Variants in ATP13A4 observed in about 807,000 individuals in gnomAD.
The protein encoded by ATP13A4 is ATPase 13A4, also known as probable cation-transporting ATPase 13A4.
Under a neutral mutation model 142.5 loss-of-function variants are expected in ATP13A4, and 114 were observed. That is an observed-to-expected ratio of 0.80 (90% CI 0.69 to 0.93). ATP13A4 has a LOEUF of 0.93. Ranked by LOEUF, ATP13A4 falls within the 40% of genes least tolerant of loss-of-function variation. The pLI is 0.00. For missense variants in ATP13A4, 1,392 were observed against 1,454.0 expected (o/e 0.96, Z 0.69); for synonymous variants, 488 against 514.8 (o/e 0.95, Z 0.70).
intron 25 of ATP13A4, among the ~76,000 whole-genome samples, chr3:193,427,631 T>C (rs923202759): frequency 3.3e-5 from 5 of 152,080 alleles, no homozygotes; most frequent in Admixed American, 1.3e-4. Context: ...TCAGAAAGAA[T>C]ACCACACATC....
At chr3:193,459,036 G>A in intron 14 of ATP13A4, 45 bp downstream of exon 14, 1 of 1,609,486 alleles carries the variant, frequency 6.2e-7, no homozygotes, top group Non-Finnish European at 8.5e-7. Flanking sequence ...ATGTTGCTCT[G>A]GCATTGAAGA....
In ATP13A4 at chr3:193,489,634, G is replaced by A. The variant is rs867918117; in HGVS notation, c.738+96C>T. The A allele has an allele frequency of 1.4e-5, 18 of 1,333,120 alleles. No individual in the cohort carries two copies. In the South Asian group the frequency reaches 2.0e-4, roughly 15 times the overall value. 82.6% of individuals were successfully genotyped at this position (1,333,120 alleles called of 1,614,324 possible). On this transcript the variant is annotated intron_variant, in intron 7 of 29. Coordinates refer to ENST00000342695, the MANE Select transcript of ATP13A4 (RefSeq NM_032279.4). ...ACTTGCTCTCATTTACTACGGAGTA[G>A]GAAGTGACTATTTCCTGATTCTCCT...
chr3:193,586,844 G>T (rs1724681207), intron 1 of ATP13A4, among the ~76,000 whole-genome samples: 1 of 152,124 alleles, frequency 6.6e-6, no homozygotes, highest in African/African-American at 2.4e-5. Flanking sequence ...ATAAATTTTA[G>T]AATATTTTGT....
chr3:193,409,431 C>T (rs1416769872), intron 28 of ATP13A4, among the ~76,000 whole-genome samples: 1 of 152,136 alleles, frequency 6.6e-6, no homozygotes, highest in Non-Finnish European at 1.5e-5. Context: ...GGCAATGACC[C>T]TACCCAGGTT....
intron 2 of ATP13A4, among the ~76,000 whole-genome samples, chr3:193,577,769 C>T (rs369824537): frequency 5.9e-5 from 9 of 152,280 alleles, no homozygotes; most frequent in African/African-American, 2.2e-4. Flanking sequence ...ATTTTCAAGT[C>T]CACCCTTTAT....
intron 1 of ATP13A4, among the ~76,000 whole-genome samples, chr3:193,518,002 A>G (rs994356240): frequency 2.0e-5 from 3 of 152,270 alleles, no homozygotes; most frequent in Non-Finnish European, 2.9e-5. Context: ...CTCAAAAGGA[A>G]TGACCTACAG....
chr3:193,467,810 G>A (rs1036777615), intron 9 of ATP13A4, among the ~76,000 whole-genome samples: 7 of 152,120 alleles, frequency 4.6e-5, no homozygotes, highest in African/African-American at 1.4e-4. Context: ...AATGTGGAGT[G>A]TGGAGAATAA....
At position 193,489,930 on chromosome 3, in the gene ATP13A4, C is replaced by T. The variant is rs906177335; in HGVS notation, c.604-66G>A. 3 of 1,516,538 alleles carry T rather than the reference C, an allele frequency of 2.0e-6. No homozygotes were observed. In the African/African-American group the frequency reaches 4.1e-5, roughly 21 times the overall value. 93.9% of individuals were successfully genotyped at this position (1,516,538 alleles called of 1,614,324 possible). A position where few individuals can be genotyped will look rare whatever the true frequency, so the allele number is the denominator to read the frequency against. On this transcript the variant is annotated intron_variant, in intron 6 of 29. Coordinates refer to ENST00000342695, the MANE Select transcript of ATP13A4 (RefSeq NM_032279.4). ...TAGGCTTCACTCTGCTCTTCATTTA[C>T]TTGTTTTCATAATCATCTTCATGAC...
At position 193,414,737 on chromosome 3, in the gene ATP13A4, A is replaced by T. The variant is rs771119519; in HGVS notation, c.2856T>A (p.Gly952=). 22 of 1,613,990 alleles carry T rather than the reference A, an allele frequency of 1.4e-5. 1 individual carries two copies. The South Asian group carries it at 2.4e-4, about 18-fold the overall frequency. Residue 952 remains glycine (G), a synonymous_variant, in exon 26 of 30, where the codon GGT becomes GGA. Coordinates refer to ENST00000342695, the MANE Select transcript of ATP13A4 (RefSeq NM_032279.4). ...TLIGVTMNLN[G]AYPKLVPFRP... ...TGAAAGGCACCAGCTTAGGGTAGGC[A>T]CCATTCAGATTCACTATAAAATAAA...
intron 1 of ATP13A4, among the ~76,000 whole-genome samples, chr3:193,534,448 G>A (rs75937991): frequency 0.019 from 2,831 of 151,862 alleles, 84 homozygotes; most frequent in East Asian, 0.15. Flanking sequence ...GGATTTTAAA[G>A]CAGCCATTAT....
At chr3:193,573,195 A>G (rs2108742244) in intron 2 of ATP13A4, among the ~76,000 whole-genome samples, 1 of 148,800 alleles carries the variant, frequency 6.7e-6, no homozygotes, top group African/African-American at 2.5e-5. Flanking sequence ...ACTTTAAGAA[A>G]TACCACAGAT....
At chr3:193,446,107 G>A (rs1328772789) in intron 18 of ATP13A4, among the ~76,000 whole-genome samples, 2 of 152,172 alleles carry the variant, frequency 1.3e-5, no homozygotes, top group Non-Finnish European at 2.9e-5. Context: ...AGGCTGAAGT[G>A]AGCTATGATC....
In ATP13A4 at chr3:193,492,444, T is replaced by G. The variant is rs184071339; in HGVS notation, c.533+473A>C. ...TGATTTGGAAATGTGGAGCTACACA[T>G]CTTGCATGGTGTTCTGCTGCTGCTC... is the stretch of plus-strand genomic sequence containing the variant. On this transcript the variant is annotated intron_variant, in intron 5 of 29. Coordinates refer to ENST00000342695, the MANE Select transcript of ATP13A4 (RefSeq NM_032279.4). 7.8e-4 allele frequency among the ~76,000 whole-genome samples: 119 copies of G among 152,328 alleles called. 1 individual carries two copies. The Middle Eastern group carries it at 0.01, about 13-fold the overall frequency.
intron 2 of ATP13A4, among the ~76,000 whole-genome samples, chr3:193,562,209 G>A (rs908376361): frequency 6.6e-6 from 1 of 152,042 alleles, no homozygotes; most frequent in African/African-American, 2.4e-5. Context: ...AATCCCTGGG[G>A]TGGAAACAAA....
rs1468965788 is a variant in ATP13A4, at chr3:193,440,340, A to AT, written c.2519+217dup. On this transcript the variant is annotated intron_variant, in intron 21 of 29. Transcript: ENST00000342695. ...TTGACTTAAGTGAAAAAAAATACTG[A>AT]TTTTTTAAGCCCCATATAAACAACT... The AT allele has an allele frequency of 3.9e-5, 33 of 848,838 alleles. No individual in the cohort carries two copies. In the South Asian group the frequency reaches 5.4e-4, roughly 14 times the overall value. 52.6% of individuals were successfully genotyped at this position (848,838 alleles called of 1,614,324 possible).
chr3:193,505,288 C>G (rs866468215), intron 2 of ATP13A4, among the ~76,000 whole-genome samples: 3 of 152,118 alleles, frequency 2.0e-5, no homozygotes, highest in South Asian at 2.1e-4. Flanking sequence ...ACCCTCTGGC[C>G]CTGTGTGACA....
intron 13 of ATP13A4, among the ~76,000 whole-genome samples, chr3:193,461,910 C>A (rs1373426120): frequency 6.6e-6 from 1 of 152,072 alleles, no homozygotes. Context: ...CTGTCAAAAC[C>A]GTCTTTTCTT....
At chr3:193,408,169 G>C (rs1049014172) in intron 28 of ATP13A4, among the ~76,000 whole-genome samples, 18 of 152,256 alleles carry the variant, frequency 1.2e-4, no homozygotes, top group Non-Finnish European at 2.9e-5. Flanking sequence ...TGCCTCATAC[G>C]TTAGTGGGAG....
intron 2 of ATP13A4, among the ~76,000 whole-genome samples, chr3:193,571,727 C>T (rs891764050): frequency 2.0e-5 from 3 of 151,958 alleles, no homozygotes; most frequent in Non-Finnish European, 2.9e-5. Context: ...CTGTCAAGGT[C>T]GGCACAAACA....
Sources: gnomAD v4.1 joint callset for allele counts (sites outside exome capture counted in the v4.1 genomes callset) on GRCh38, gnomAD v4.1.1 for gene constraint, MANE v1.5 for transcripts, NCBI Gene and HGNC (gene_info 2026-07-23, HGNC 2026-07-21) for gene names.